Variants in PLAT observed in about 807,000 individuals in gnomAD.
PLAT encodes the protein tissue-type plasminogen activator.
Under a neutral mutation model 74.9 loss-of-function variants are expected in PLAT, and 48 were observed. That is an observed-to-expected ratio of 0.64 (90% CI 0.51 to 0.82). The LOEUF (loss-of-function observed/expected upper bound fraction) is 0.82, where lower values mean the gene tolerates loss of function less well. Ranked by LOEUF, PLAT falls within the 40% of genes least tolerant of loss-of-function variation. The probability of loss-of-function intolerance (pLI) is 0.00; values close to 1 mark genes in which losing one functional copy is unlikely to be tolerated. For synonymous variants in PLAT, 307 were observed against 294.4 expected (o/e 1.04, Z -0.44); for missense variants, 673 against 736.2 (o/e 0.91, Z 0.99).
intron 8 of PLAT, 83 bp downstream of exon 8, chr8:42,182,636 T>G: frequency 9.3e-7 from 1 of 1,072,516 alleles, no homozygotes; most frequent in East Asian, 2.4e-5. Context: ...GTCATGCAAC[T>G]TGAGACATTG....
At chr8:42,203,969 T>TTATATATATATATATATATATATA (rs373313453) in intron 1 of PLAT, among the ~76,000 whole-genome samples, 29 of 105,044 alleles carry the variant, frequency 2.8e-4, no homozygotes, top group African/African-American at 9.3e-4. Flanking sequence ...TGTCTCTAAA[T>TTATATATATATATATATATATATA]TATATATATA....
At chr8:42,179,170 C>T (rs1201935266) in intron 12 of PLAT, 107 bp from the exon 13 acceptor site, 1 of 744,730 alleles carries the variant, frequency 1.3e-6, no homozygotes, top group Non-Finnish European at 2.3e-6. Context: ...CAAGATTCAA[C>T]ATGTATTAGG....
In PLAT at chr8:42,189,028, A is replaced by T. The variant is rs1397665499; in HGVS notation, c.159T>A (p.His53Gln). 1.2e-6 allele frequency: 2 copies of T among 1,613,882 alleles called. No individual in the cohort carries two copies. The highest frequency in any genetic ancestry group is 1.7e-5 in the Admixed American group (1 of 60,006). Residue 53 changes from histidine to glutamine, a missense_variant, in exon 4 of 14, where the codon CAT becomes CAA. Transcript: ENST00000220809. ...TGAGCACAGGGCGCAGCCATGACTGATGTTGCTGGTATATCATCTGCGTTT... is the reference window on the plus strand; with the variant it reads ...TGAGCACAGGGCGCAGCCATGACTGTTGTTGCTGGTATATCATCTGCGTTT... ...DEKTQMIYQQ[H>Q]QSWLRPVLRS...
intron 1 of PLAT, among the ~76,000 whole-genome samples, chr8:42,207,276 G>A (rs762718529): frequency 1.3e-5 from 2 of 151,996 alleles, no homozygotes; most frequent in African/African-American, 2.4e-5. Context: ...CCCTTTCCCC[G>A]ACTGCCTCTC....
chr8:42,187,310 G>T, intron 6 of PLAT, 88 bp downstream of exon 6: 2 of 1,185,540 alleles, frequency 1.7e-6, no homozygotes, highest in Non-Finnish European at 2.3e-6. Context: ...TATGTTTCTT[G>T]GGAGAACCCT....
chr8:42,203,992 T>TACACACACAC (rs775189467), intron 1 of PLAT, among the ~76,000 whole-genome samples: 60 of 109,782 alleles, frequency 5.5e-4, no homozygotes, highest in African/African-American at 2.3e-3. Flanking sequence ...TATATATATA[T>TACACACACAC]ACACACACAC....
In PLAT at chr8:42,179,065, T is replaced by G; in HGVS notation, c.1364-2A>C. The G allele has an allele frequency of 6.2e-7, 1 of 1,606,090 alleles. No homozygotes were observed. The highest frequency in any genetic ancestry group is 8.5e-7 in the Non-Finnish European group (1 of 1,174,708). On this transcript the variant is annotated splice_acceptor_variant, in intron 12 of 13. Transcript: ENST00000220809. LOFTEE classifies it high-confidence loss of function. The stretch of plus-strand genomic sequence containing the variant: ...GCCGCTCCGAATAGAAAGGAGACAC[T>G]GAAAGGGGAGAACCATCATATGGTT...
intron 13 of PLAT, among the ~76,000 whole-genome samples, chr8:42,177,318 C>T (rs1299691054): frequency 6.6e-6 from 1 of 152,218 alleles, no homozygotes; most frequent in Non-Finnish European, 1.5e-5. Context: ...ATTTCACTTA[C>T]AGTTGCAGTT....
At chr8:42,197,045 T>C (rs1204353115) in intron 1 of PLAT, among the ~76,000 whole-genome samples, 3 of 152,146 alleles carry the variant, frequency 2.0e-5, no homozygotes, top group Non-Finnish European at 2.9e-5. Context: ...CAGGCCACCC[T>C]AGCACACAAA....
Position 42,180,689 on chromosome 8 carries a change from G to A in PLAT, c.890-4C>T, listed in dbSNP as rs978763506. 4 of 1,556,242 alleles carry A rather than the reference G, an allele frequency of 2.6e-6. No homozygotes were observed. Among genetic ancestry groups the A allele is most frequent in the Non-Finnish European group, 3.5e-6 (4 of 1,150,126 alleles). On this transcript the variant is annotated splice_polypyrimidine_tract_variant and splice_region_variant and intron_variant, in intron 9 of 13. Transcript: ENST00000220809. ...TACTGTCTCAGGCCGCAGGTGGCTG[G>A]GGAGGAAAGGACGAGGAGGCAGTCA... is the stretch of plus-strand genomic sequence containing the variant.
Position 42,179,078 on chromosome 8 carries a change from C to T in PLAT, c.1364-15G>A. The T allele has an allele frequency of 6.3e-7, 1 of 1,595,976 alleles. No homozygotes were observed. The highest frequency in any genetic ancestry group is 1.1e-5 in the South Asian group (1 of 89,254). Reference sequence around the variant, plus strand: ...GAAAGGAGACACTGAAAGGGGAGAACCATCATATGGTTTTAGGGAAAGTTA... The same window carrying T: ...GAAAGGAGACACTGAAAGGGGAGAATCATCATATGGTTTTAGGGAAAGTTA... On this transcript the variant is annotated splice_polypyrimidine_tract_variant and intron_variant, in intron 12 of 13. Transcript: ENST00000220809.
At position 42,180,026 on chromosome 8, in the gene PLAT, C is replaced by T. The variant is rs963660927; in HGVS notation, c.1263G>A (p.Gln421=). ...QLKSDSSRCA[Q]ESSVVRTVCL... ...ACACAGTGCGGACCACGCTGCTCTC[C>T]TGGGCACAGCGGGACGAATCCGATT... The change falls in exon 12 of 14, where the codon CAG becomes CAA. Residue 421 remains glutamine (Q), a synonymous_variant. Transcript: ENST00000220809. 4 of 1,609,962 alleles carry T rather than the reference C, an allele frequency of 2.5e-6. No homozygotes were observed. Among genetic ancestry groups the T allele is most frequent in the Non-Finnish European group, 2.5e-6 (3 of 1,177,656 alleles).
At chr8:42,199,534 C>A (rs1407682302) in intron 1 of PLAT, among the ~76,000 whole-genome samples, 5 of 152,058 alleles carry the variant, frequency 3.3e-5, no homozygotes, top group Non-Finnish European at 4.4e-5. Context: ...AGGCATATGG[C>A]CTGTGTCTAA....
At chr8:42,177,699 A>C (rs942992732) in intron 13 of PLAT, among the ~76,000 whole-genome samples, 6 of 152,226 alleles carry the variant, frequency 3.9e-5, no homozygotes, top group Admixed American at 3.3e-4. Flanking sequence ...TTTTGCTTTT[A>C]ACTAAGCTTG....
At chr8:42,200,903 C>G (rs1806105450) in intron 1 of PLAT, among the ~76,000 whole-genome samples, 1 of 151,958 alleles carries the variant, frequency 6.6e-6, no homozygotes, top group African/African-American at 2.4e-5. Flanking sequence ...AATCTCAGCT[C>G]ACTGCAACCT....
intron 13 of PLAT, among the ~76,000 whole-genome samples, chr8:42,177,170 T>C (rs1805007009): frequency 6.6e-6 from 1 of 152,224 alleles, no homozygotes; most frequent in Admixed American, 6.5e-5. Flanking sequence ...GTGGCCAGGC[T>C]GGTCTCGAAC....
At chr8:42,190,025 G>A (rs769374798) in intron 3 of PLAT, among the ~76,000 whole-genome samples, 4 of 150,836 alleles carry the variant, frequency 2.7e-5, no homozygotes, top group South Asian at 2.1e-4. Flanking sequence ...GTCCTCCTGC[G>A]TCAACCTCCC....
At chr8:42,205,946 G>A (rs1296743059) in intron 1 of PLAT, among the ~76,000 whole-genome samples, 1 of 152,200 alleles carries the variant, frequency 6.6e-6, no homozygotes, top group Non-Finnish European at 1.5e-5. Context: ...TCTACTGGCC[G>A]CTGGCTCTGC....
intron 1 of PLAT, among the ~76,000 whole-genome samples, chr8:42,203,861 G>A (rs1806226121): frequency 6.6e-6 from 1 of 151,716 alleles, no homozygotes; most frequent in Non-Finnish European, 1.5e-5. Context: ...AGCTACTTGG[G>A]AGGCTGAGAT....
Sources: gnomAD v4.1 joint callset for allele counts (sites outside exome capture counted in the v4.1 genomes callset) on GRCh38, gnomAD v4.1.1 for gene constraint, MANE v1.5 for transcripts, NCBI Gene and HGNC (gene_info 2026-07-23, HGNC 2026-07-21) for gene names.